C1QTNF3: variants seen among roughly 807,000 people sequenced by gnomAD.
The protein encoded by C1QTNF3 is complement C1q tumor necrosis factor-related protein 3.
C1QTNF3 carries 26 observed loss-of-function variants against 32.6 expected under a neutral mutation model. The observed-to-expected ratio is 0.80, with a 90% CI of 0.58 to 1.11. The LOEUF is 1.11. Ranked by LOEUF, C1QTNF3 falls within the 50% of genes least tolerant of loss-of-function variation. The pLI, the probability that C1QTNF3 is intolerant of heterozygous loss-of-function variation, is 0.00. For missense variants in C1QTNF3, 362 were observed against 398.2 expected, an observed-to-expected ratio of 0.91 and a Z score of 0.77; for synonymous variants, 155 against 146.0, an observed-to-expected ratio of 1.06 and a Z score of -0.44.
chr5:34,238,270 C>A, the C1QTNF3 span, among the ~76,000 whole-genome samples: 1 of 152,078 alleles, frequency 6.6e-6, no homozygotes, highest in Non-Finnish European at 1.5e-5. Flanking sequence ...AGCTACCAAG[C>A]AATGGTTCTT....
At chr5:34,244,365 CAAA>C in the C1QTNF3 span, among the ~76,000 whole-genome samples, 1 of 152,122 alleles carries the variant, frequency 6.6e-6, no homozygotes, top group South Asian at 2.1e-4. Flanking sequence ...TTGCAAAGAG[CAAA>C]AGAACAAAGC....
At chr5:34,120,418 GA>G in the C1QTNF3 span, among the ~76,000 whole-genome samples, 2 of 151,226 alleles carry the variant, frequency 1.3e-5, no homozygotes, top group South Asian at 4.2e-4. Context: ...AAGAGGATTT[GA>G]AAAAAAGGCA....
the C1QTNF3 span, among the ~76,000 whole-genome samples, chr5:34,126,539 G>C: frequency 7.0e-6 from 1 of 143,820 alleles, no homozygotes; most frequent in Non-Finnish European, 1.5e-5. Context: ...CTGCATGGAG[G>C]TTCCTTAAGA....
chr5:34,067,511 A>C, the C1QTNF3 span, among the ~76,000 whole-genome samples: 2 of 152,242 alleles, frequency 1.3e-5, no homozygotes, highest in African/African-American at 4.8e-5. Flanking sequence ...GAATGGCGGC[A>C]GGCGAAGAGA....
chr5:34,170,722 C>T, the C1QTNF3 span, among the ~76,000 whole-genome samples: 4 of 152,086 alleles, frequency 2.6e-5, no homozygotes, highest in Admixed American at 6.6e-5. Context: ...TAATTTCCTA[C>T]GGTGATAACA....
At chr5:34,038,304 CA>C (rs1754789238) in intron 1 of C1QTNF3, among the ~76,000 whole-genome samples, 1 of 152,148 alleles carries the variant, frequency 6.6e-6, no homozygotes, top group Non-Finnish European at 1.5e-5. Context: ...CTCTGCAGAG[CA>C]GGACAAAAGC....
the C1QTNF3 span, chr5:34,191,769 C>A: frequency 1.4e-6 from 1 of 709,448 alleles, no homozygotes. Context: ...CAGAGCTCCC[C>A]TCTACAGCTC....
the C1QTNF3 span, among the ~76,000 whole-genome samples, chr5:34,052,343 G>T: frequency 6.6e-6 from 1 of 152,052 alleles, no homozygotes; most frequent in Non-Finnish European, 1.5e-5. Context: ...TTTATCTATT[G>T]TATTCATTAA....
chr5:34,077,079 T>C, the C1QTNF3 span, among the ~76,000 whole-genome samples: 1 of 151,800 alleles, frequency 6.6e-6, no homozygotes, highest in East Asian at 1.9e-4. Flanking sequence ...ATATACTTTT[T>C]TGTTGTTTTT....
chr5:34,227,246 G>T, the C1QTNF3 span, among the ~76,000 whole-genome samples: 1 of 150,450 alleles, frequency 6.6e-6, no homozygotes, highest in East Asian at 2.0e-4. Flanking sequence ...AGAACAACAG[G>T]TGGAGGCTAG....
At chr5:34,116,737 A>C in the C1QTNF3 span, among the ~76,000 whole-genome samples, 3 of 151,462 alleles carry the variant, frequency 2.0e-5, no homozygotes, top group African/African-American at 7.3e-5. Context: ...TGGGATTACA[A>C]GCGCCTGACA....
chr5:34,242,014 A>C, the C1QTNF3 span, among the ~76,000 whole-genome samples: 1 of 151,310 alleles, frequency 6.6e-6, no homozygotes, highest in African/African-American at 2.4e-5. Flanking sequence ...GGAAATTTTG[A>C]TAACACAAAT....
At chr5:34,237,222 A>G in the C1QTNF3 span, among the ~76,000 whole-genome samples, 1 of 152,160 alleles carries the variant, frequency 6.6e-6, no homozygotes, top group African/African-American at 2.4e-5. Flanking sequence ...ATTTCAAGGA[A>G]ATTACTCTCA....
the C1QTNF3 span, among the ~76,000 whole-genome samples, chr5:34,079,879 C>G: frequency 1.3e-5 from 2 of 151,650 alleles, no homozygotes; most frequent in Admixed American, 6.6e-5. Flanking sequence ...GTTAACAATA[C>G]TTTTTATATA....
chr5:34,207,327 A>G, the C1QTNF3 span, among the ~76,000 whole-genome samples: 1 of 151,482 alleles, frequency 6.6e-6, no homozygotes, highest in Non-Finnish European at 1.5e-5. Context: ...TACATTCACA[A>G]CCATCATTAT....
At chr5:34,164,330 C>T in the C1QTNF3 span, among the ~76,000 whole-genome samples, 2 of 152,118 alleles carry the variant, frequency 1.3e-5, no homozygotes, top group Non-Finnish European at 2.9e-5. Flanking sequence ...AATAATGTGG[C>T]TCTTCCTACT....
At chr5:34,196,096 C>G in the C1QTNF3 span, among the ~76,000 whole-genome samples, 2 of 152,426 alleles carry the variant, frequency 1.3e-5, no homozygotes, top group Admixed American at 1.3e-4. Flanking sequence ...ACACTTTGAT[C>G]TTGCACTTCC....
the C1QTNF3 span, among the ~76,000 whole-genome samples, chr5:34,119,472 C>T: frequency 6.6e-6 from 1 of 152,160 alleles, no homozygotes; most frequent in Non-Finnish European, 1.5e-5. Context: ...TAGGGAATCT[C>T]CCTTTTATAA....
the C1QTNF3 span, among the ~76,000 whole-genome samples, chr5:34,175,068 A>C: frequency 6.8e-6 from 1 of 146,306 alleles, no homozygotes; most frequent in Non-Finnish European, 1.5e-5. Flanking sequence ...TTTTAAAGAC[A>C]GGTCTCACTC....
Sources: allele counts gnomAD v4.1 joint callset (sites outside exome capture counted in the v4.1 genomes callset), GRCh38; gene constraint gnomAD v4.1.1; transcripts MANE v1.5; gene names NCBI Gene and HGNC (gene_info 2026-07-23, HGNC 2026-07-21).